The following TP63 variants were observed in gnomAD, a reference collection of about 807,000 sequenced individuals.
TP63 encodes the protein tumor protein 63.
A neutral mutation model predicts 82.8 loss-of-function variants in TP63; 17 were observed. The observed-to-expected ratio is 0.21, with a 90% CI of 0.14 to 0.31. TP63 has a LOEUF of 0.31. Among genes scored for constraint, TP63 ranks in the 10% least tolerant of loss-of-function variants. TP63 has a pLI of 1.00. For synonymous variants in TP63, 330 were observed against 321.7 expected (o/e 1.03, Z -0.28); for missense variants, 648 against 895.3 (o/e 0.72, Z 3.52).
intron 13 of TP63, among the ~76,000 whole-genome samples, chr3:189,892,114 A>C (rs1393295857): frequency 6.6e-6 from 1 of 152,236 alleles, no homozygotes; most frequent in Admixed American, 6.5e-5. Context: ...TGATAACTTT[A>C]CAGTCACTTC....
At chr3:189,841,485 G>A (rs530060652) in intron 4 of TP63, among the ~76,000 whole-genome samples, 5 of 152,060 alleles carry the variant, frequency 3.3e-5, no homozygotes, top group African/African-American at 7.2e-5. Flanking sequence ...CTAGTCTTCC[G>A]GTAAAAAGAA....
chr3:189,779,520 G>C (rs1724064787), intron 3 of TP63, among the ~76,000 whole-genome samples: 1 of 152,260 alleles, frequency 6.6e-6, no homozygotes, highest in Admixed American at 6.5e-5. Context: ...GTGTCCACAG[G>C]ACCTCTCAAT....
intron 1 of TP63, among the ~76,000 whole-genome samples, chr3:189,721,873 T>C (rs901858177): frequency 6.6e-6 from 1 of 152,214 alleles, no homozygotes; most frequent in African/African-American, 2.4e-5. Flanking sequence ...TCTGATTTAA[T>C]TGAACTGGGG....
Position 189,828,134 on chromosome 3 carries a change from G to A in TP63, c.579+19608G>A, listed in dbSNP as rs112204684. Among the ~76,000 whole-genome samples, 9 of 152,062 alleles carry A rather than the reference G, an allele frequency of 5.9e-5. 1 individual carries two copies. Among genetic ancestry groups the A allele is most frequent in the East Asian group, 1.9e-4 (1 of 5,152 alleles). On this transcript the variant is annotated intron_variant, in intron 4 of 13. Transcript: ENST00000264731. The stretch of plus-strand genomic sequence containing the variant: ...TGGGCGCCTGTAGTCCCAGCTACTC[G>A]GGAAGCCGAGGCAGGATAATTGCTT...
chr3:189,621,622 T>G, the TP63 span, among the ~76,000 whole-genome samples: 3 of 152,162 alleles, frequency 2.0e-5, no homozygotes, highest in East Asian at 3.9e-4. Context: ...TGCATACATA[T>G]CTATATAAAT....
chr3:189,725,308 A>G (rs1382590770), intron 1 of TP63, among the ~76,000 whole-genome samples: 2 of 152,338 alleles, frequency 1.3e-5, no homozygotes, highest in East Asian at 3.9e-4. Context: ...TGTAAAGTCC[A>G]CTTTCAAATA....
chr3:189,631,667 C>CAG (rs1397671007), intron 1 of TP63, 90 bp downstream of exon 1: 1 of 1,605,020 alleles, frequency 6.2e-7, no homozygotes, highest in African/African-American at 1.3e-5. Context: ...AAGAACAATT[C>CAG]CTCCTTGTTT....
At chr3:189,629,884 C>G (rs1473027512), upstream of TP63, among the ~76,000 whole-genome samples, 1 of 152,174 alleles carries the variant, frequency 6.6e-6, no homozygotes, top group Admixed American at 6.5e-5. Context: ...AAGCCAAACT[C>G]TTTAACTGCA....
At chr3:189,837,424 C>T (rs150589153) in intron 4 of TP63, among the ~76,000 whole-genome samples, 276 of 86,848 alleles carry the variant, frequency 3.2e-3, no homozygotes, top group African/African-American at 0.01. Context: ...TTGAAATTTC[C>T]AATTTCAGGT....
chr3:189,804,621 TA>T (rs1355830189), intron 3 of TP63, among the ~76,000 whole-genome samples: 1 of 152,214 alleles, frequency 6.6e-6, no homozygotes, highest in African/African-American at 2.4e-5. Flanking sequence ...AATAAGTGAA[TA>T]AGAATATTTT....
intron 1 of TP63, among the ~76,000 whole-genome samples, chr3:189,728,182 AAAAAG>A (rs1719907475): frequency 6.6e-6 from 1 of 152,174 alleles, no homozygotes; most frequent in South Asian, 2.1e-4. Flanking sequence ...TAAAAAAAAA[AAAAAG>A]GAGTAGAGAT....
At chr3:189,724,200 A>G (rs1719604577) in intron 1 of TP63, among the ~76,000 whole-genome samples, 1 of 152,112 alleles carries the variant, frequency 6.6e-6, no homozygotes, top group Non-Finnish European at 1.5e-5. Context: ...CAGTTGTTAT[A>G]TTAGGAATTC....
At chr3:189,858,041 G>T (rs1716508181) in intron 4 of TP63, among the ~76,000 whole-genome samples, 2 of 152,214 alleles carry the variant, frequency 1.3e-5, no homozygotes, top group Non-Finnish European at 2.9e-5. Context: ...CCTGTTTATT[G>T]CAGCACTATT....
In TP63 at chr3:189,875,617, T is replaced by C. The variant is rs1319681122; in HGVS notation, c.1349+2622T>C. On this transcript the variant is annotated intron_variant, in intron 10 of 13. Transcript: ENST00000264731. ...ACATATATATATATATATATATATA[T>C]ATATATATATATATATATATAAACT... 8.7e-4 allele frequency among the ~76,000 whole-genome samples: 91 copies of C among 104,064 alleles called. 7 individuals are homozygous for C. The highest frequency in any genetic ancestry group is 1.5e-3 in the African/African-American group (39 of 25,504). 68.3% of individuals were successfully genotyped at this position (104,064 alleles called of 152,430 possible). A position where few individuals can be genotyped will look rare whatever the true frequency, so the allele number is the denominator to read the frequency against.
intron 1 of TP63, among the ~76,000 whole-genome samples, chr3:189,701,976 T>G (rs1185694322): frequency 2.6e-5 from 4 of 152,234 alleles, no homozygotes. Context: ...AATAAATGTG[T>G]AACTTGTCTG....
intron 1 of TP63, among the ~76,000 whole-genome samples, chr3:189,669,734 A>G (rs1352480533): frequency 6.6e-6 from 1 of 152,108 alleles, no homozygotes; most frequent in Admixed American, 6.6e-5. Flanking sequence ...TTAGAGATAC[A>G]GAATATTAGT....
intron 3 of TP63, among the ~76,000 whole-genome samples, chr3:189,755,730 A>T (rs1042902132): frequency 6.6e-6 from 1 of 152,142 alleles, no homozygotes; most frequent in African/African-American, 2.4e-5. Context: ...AATGTTTGTT[A>T]TCAGTTTACA....
chr3:189,624,836 T>C, the TP63 span, among the ~76,000 whole-genome samples: 1 of 152,196 alleles, frequency 6.6e-6, no homozygotes, highest in African/African-American at 2.4e-5. Flanking sequence ...CAGCCATTGT[T>C]GAACCAACAC....
rs79328957 is a variant in TP63 at position 189,777,848 on chromosome 3, T to C, written c.325-30424T>C. 9.8e-5 allele frequency among the ~76,000 whole-genome samples: 11 copies of C among 111,840 alleles called. No homozygotes were observed. The South Asian group carries it at 2.1e-3, about 22-fold the overall frequency. 73.4% of individuals were successfully genotyped at this position (111,840 alleles called of 152,430 possible). A position where few individuals can be genotyped will look rare whatever the true frequency, so the allele number is the denominator to read the frequency against. ...TCTTCTTCTTCTTCTTCTTCTTCTT[T>C]TTTTTTTTTTTTTTTTTTTTTTTTT... On this transcript the variant is annotated intron_variant, in intron 3 of 13. Transcript: ENST00000264731.
Sources: gnomAD v4.1 joint callset for allele counts (sites outside exome capture counted in the v4.1 genomes callset) on GRCh38, gnomAD v4.1.1 for gene constraint, MANE v1.5 for transcripts, NCBI Gene and HGNC (gene_info 2026-07-23, HGNC 2026-07-21) for gene names.